SUSD1: variants seen among roughly 807,000 people sequenced by gnomAD.
SUSD1 encodes the protein sushi domain-containing protein 1.
In SUSD1, 65 loss-of-function variants were observed where a neutral mutation model predicts 86.9. That is an observed-to-expected ratio of 0.75 (90% CI 0.61 to 0.92). The LOEUF (loss-of-function observed/expected upper bound fraction) is 0.92, where lower values mean the gene tolerates loss of function less well. Among genes scored for constraint, SUSD1 ranks in the 40% least tolerant of loss-of-function variants. The pLI is 0.00. For synonymous variants in SUSD1, 346 were observed against 350.0 expected, an observed-to-expected ratio of 0.99 and a Z score of 0.13; for missense variants, 850 against 929.7, an observed-to-expected ratio of 0.91 and a Z score of 1.11.
At chr9:112,073,570 A>G (rs1351596028) in intron 12 of SUSD1, among the ~76,000 whole-genome samples, 1 of 135,204 alleles carries the variant, frequency 7.4e-6, no homozygotes, top group Non-Finnish European at 1.5e-5. Flanking sequence ...AATGTTGCCT[A>G]CAAAGCTTTT....
chr9:112,118,700 G>T (rs1286185438), intron 6 of SUSD1, among the ~76,000 whole-genome samples: 1 of 152,128 alleles, frequency 6.6e-6, no homozygotes, highest in Non-Finnish European at 1.5e-5. Flanking sequence ...GGCCAGGCTG[G>T]TCTCAAATTC....
chr9:112,105,394 T>C (rs1354315413), intron 8 of SUSD1, among the ~76,000 whole-genome samples: 3 of 151,326 alleles, frequency 2.0e-5, no homozygotes, highest in Non-Finnish European at 4.4e-5. Context: ...ATGTTCCTAA[T>C]ATATAGTTAA....
rs754545019 is a variant in SUSD1 at position 112,078,543 on chromosome 9, A to T, written c.1748T>A (p.Ile583Lys). ...TGCTGTTATTCAAGATTTACCTGTT[A>T]TCTGGGTTGTCAGGGAGATGACCAC... Reference protein sequence around the residue: ...LPVVISLTTQITEPPLPEVEF... With the variant: ...LPVVISLTTQKTEPPLPEVEF... The change falls in exon 12 of 17, where the codon ATA becomes AAA. Residue 583 changes from isoleucine (I) to lysine (K), a missense_variant. Ile to Lys is a moderately radical substitution (Grantham distance 102). Transcript: ENST00000374270. 7 of 1,608,540 alleles carry T rather than the reference A, an allele frequency of 4.4e-6. No individual in the cohort carries two copies. Among genetic ancestry groups the T allele is most frequent in the Non-Finnish European group, 5.1e-6 (6 of 1,175,442 alleles).
rs889873367 is a variant in SUSD1, at chr9:112,041,329, C to T, written c.*163G>A. 1.5e-5 allele frequency: 10 copies of T among 684,254 alleles called. No individual in the cohort carries two copies. In the African/African-American group the frequency reaches 1.6e-4, roughly 11 times the overall value. 42.4% of individuals were successfully genotyped at this position (684,254 alleles called of 1,614,324 possible). A position where few individuals can be genotyped will look rare whatever the true frequency, so the allele number is the denominator to read the frequency against. On this transcript the variant is annotated 3_prime_UTR_variant, in exon 17 of 17. Coordinates refer to ENST00000374270, the MANE Select transcript of SUSD1 (RefSeq NM_022486.5). ...ATGGTGACTCCTCAGGGATAGCCAC[C>T]ATCTTAAATCCAGGAATGGGGCCCA...
chr9:112,137,429 A>G (rs981059851), intron 5 of SUSD1, among the ~76,000 whole-genome samples: 3 of 152,216 alleles, frequency 2.0e-5, no homozygotes, highest in Admixed American at 1.3e-4. Context: ...AATAATCCAG[A>G]TGATGGCTAA....
At chr9:112,135,758 GC>G (rs1366316605) in intron 5 of SUSD1, among the ~76,000 whole-genome samples, 3 of 152,094 alleles carry the variant, frequency 2.0e-5, no homozygotes, top group African/African-American at 7.2e-5. Context: ...CTAGAAAATG[GC>G]CCACTTGCTC....
At chr9:112,086,537 AAAAAG>A (rs1829986411) in intron 10 of SUSD1, among the ~76,000 whole-genome samples, 9 of 133,298 alleles carry the variant, frequency 6.8e-5, no homozygotes, top group Admixed American at 3.0e-4. Context: ...AGAGAGAGAA[AAAAAG>A]AAAGAAAGAA....
chr9:112,053,343 C>T (rs976374193), intron 14 of SUSD1, among the ~76,000 whole-genome samples: 1 of 151,550 alleles, frequency 6.6e-6, no homozygotes, highest in Non-Finnish European at 1.5e-5. Context: ...GGTGAAACCC[C>T]ATCCCTACTG....
At chr9:112,078,248 G>A (rs550935341) in intron 12 of SUSD1, among the ~76,000 whole-genome samples, 11 of 152,350 alleles carry the variant, frequency 7.2e-5, no homozygotes, top group African/African-American at 2.6e-4. Flanking sequence ...TCAAGAGGCT[G>A]AGGCAGGAGG....
intron 5 of SUSD1, among the ~76,000 whole-genome samples, chr9:112,139,460 T>G (rs1448727862): frequency 2.6e-5 from 4 of 152,194 alleles, no homozygotes; most frequent in Non-Finnish European, 4.4e-5. Context: ...TATTTTTTCT[T>G]TATGAGATAG....
At chr9:112,068,622 A>G (rs947253411) in intron 12 of SUSD1, among the ~76,000 whole-genome samples, 7 of 151,258 alleles carry the variant, frequency 4.6e-5, no homozygotes, top group African/African-American at 1.7e-4. Context: ...GGATTGCTTG[A>G]GCCCGGGAGG....
At chr9:112,091,577 A>G (rs951763159) in intron 10 of SUSD1, among the ~76,000 whole-genome samples, 1 of 152,222 alleles carries the variant, frequency 6.6e-6, no homozygotes, top group Non-Finnish European at 1.5e-5. Flanking sequence ...TCTTTTGTAC[A>G]TAAATAATAG....
intron 10 of SUSD1, among the ~76,000 whole-genome samples, chr9:112,087,176 T>C (rs577009665): frequency 1.3e-5 from 2 of 152,116 alleles, no homozygotes; most frequent in Non-Finnish European, 2.9e-5. Flanking sequence ...TTAAAACTTC[T>C]TTTTTTCTTT....
chr9:112,072,074 G>A (rs1829293330), intron 12 of SUSD1, among the ~76,000 whole-genome samples: 1 of 150,850 alleles, frequency 6.6e-6, no homozygotes. Context: ...ATATTTGCTA[G>A]TGACTTCTCA....
intron 12 of SUSD1, among the ~76,000 whole-genome samples, chr9:112,070,801 A>G (rs781080663): frequency 2.0e-5 from 3 of 152,224 alleles, no homozygotes; most frequent in Non-Finnish European, 4.4e-5. Flanking sequence ...CAAACAGTGA[A>G]AAAAAGCTAG....
intron 8 of SUSD1, among the ~76,000 whole-genome samples, chr9:112,102,537 T>A (rs924238693): frequency 6.6e-6 from 1 of 152,252 alleles, no homozygotes; most frequent in African/African-American, 2.4e-5. Flanking sequence ...TTGCTTTTCT[T>A]ATGTCATAGG....
chr9:112,155,223 T>C (rs1304918770), intron 2 of SUSD1, among the ~76,000 whole-genome samples: 7 of 151,092 alleles, frequency 4.6e-5, no homozygotes, highest in Admixed American at 4.6e-4. Flanking sequence ...CGCACTTCAG[T>C]CTGGGTGACC....
At chr9:112,042,291 T>G in intron 15 of SUSD1, 1 of 768,242 alleles carries the variant, frequency 1.3e-6, no homozygotes, top group Non-Finnish European at 2.1e-6. Context: ...ATCAATTACA[T>G]TTGATAGATT....
intron 9 of SUSD1, among the ~76,000 whole-genome samples, chr9:112,100,915 A>G (rs1457945409): frequency 6.7e-6 from 1 of 148,492 alleles, no homozygotes; most frequent in Non-Finnish European, 1.5e-5. Flanking sequence ...TTTTATACTT[A>G]TTTACTTTTA....
Sources: allele counts gnomAD v4.1 joint callset (sites outside exome capture counted in the v4.1 genomes callset), GRCh38; gene constraint gnomAD v4.1.1; transcripts MANE v1.5; gene names NCBI Gene and HGNC (gene_info 2026-07-23, HGNC 2026-07-21).